CLEC16A: variants seen among roughly 807,000 people sequenced by gnomAD.
The protein encoded by CLEC16A is protein CLEC16A.
CLEC16A carries 51 observed loss-of-function variants against 109.5 expected under a neutral mutation model. The observed-to-expected ratio is 0.47, with a 90% CI of 0.37 to 0.59. The LOEUF (loss-of-function observed/expected upper bound fraction) is 0.59, where lower values mean the gene tolerates loss of function less well. CLEC16A is among the 20% of genes least tolerant of loss of function. The pLI, the probability that CLEC16A is intolerant of heterozygous loss-of-function variation, is 0.00. For missense variants in CLEC16A, 1,339 were observed against 1,394.0 expected, an observed-to-expected ratio of 0.96 and a Z score of 0.63; for synonymous variants, 673 against 564.2, an observed-to-expected ratio of 1.19 and a Z score of -2.73.
At chr16:11,010,742 G>T (rs968643423) in intron 11 of CLEC16A, among the ~76,000 whole-genome samples, 3 of 152,144 alleles carry the variant, frequency 2.0e-5, no homozygotes, top group Non-Finnish European at 4.4e-5. Flanking sequence ...CTCTCCTCCA[G>T]TGCAAGGTCC....
Position 10,988,572 on chromosome 16 carries a change from G to A in CLEC16A, c.1071+5581G>A, listed in dbSNP as rs145365804. ...TGACATTCTTGTAATGACTCTCAGA[G>A]CAGAAGTCACTTCCTAGCCTGCCCC... On this transcript the variant is annotated intron_variant, in intron 10 of 23. Coordinates refer to ENST00000409790, the MANE Select transcript of CLEC16A (RefSeq NM_015226.3). 2.7e-3 allele frequency among the ~76,000 whole-genome samples: 409 copies of A among 152,278 alleles called. 3 individuals are homozygous for A. Among genetic ancestry groups the A allele is most frequent in the African/African-American group, 9.6e-3 (398 of 41,560 alleles).
chr16:11,127,520 A>G (rs1029645135), intron 22 of CLEC16A, among the ~76,000 whole-genome samples: 1 of 152,174 alleles, frequency 6.6e-6, no homozygotes, highest in East Asian at 1.9e-4. Flanking sequence ...ACTCTAGAAA[A>G]CAGTACACCA....
At chr16:11,139,892 A>G (rs2053743318) in intron 22 of CLEC16A, among the ~76,000 whole-genome samples, 1 of 152,238 alleles carries the variant, frequency 6.6e-6, no homozygotes, top group Non-Finnish European at 1.5e-5. Context: ...AATGCCAACT[A>G]TGTGCTAGGC....
chr16:11,067,445 A>T (rs2048834525), intron 19 of CLEC16A, among the ~76,000 whole-genome samples: 1 of 151,918 alleles, frequency 6.6e-6, no homozygotes, highest in East Asian at 1.9e-4. Context: ...GAAGTGGCGC[A>T]GAAGAAGCAA....
chr16:10,996,035 C>A (rs1019440680), intron 10 of CLEC16A, among the ~76,000 whole-genome samples: 35 of 152,106 alleles, frequency 2.3e-4, no homozygotes, highest in African/African-American at 8.0e-4. Context: ...GTCTCTCTTT[C>A]CTTCGTGCTC....
chr16:11,026,028 G>A (rs957333761), intron 13 of CLEC16A, among the ~76,000 whole-genome samples: 2 of 152,156 alleles, frequency 1.3e-5, no homozygotes, highest in Non-Finnish European at 2.9e-5. Flanking sequence ...CAGCACATGG[G>A]TTCACATCCA....
At chr16:11,096,270 G>T (rs1005285211) in intron 19 of CLEC16A, among the ~76,000 whole-genome samples, 2 of 151,990 alleles carry the variant, frequency 1.3e-5, no homozygotes, top group African/African-American at 4.8e-5. Flanking sequence ...ATTTGAGTCC[G>T]GGAAGTCAAG....
chr16:11,111,454 C>G (rs1424641669), intron 19 of CLEC16A, among the ~76,000 whole-genome samples: 3 of 152,280 alleles, frequency 2.0e-5, no homozygotes, highest in Non-Finnish European at 1.5e-5. Context: ...CAAAGCATCA[C>G]TTCCATTGGT....
intron 10 of CLEC16A, among the ~76,000 whole-genome samples, chr16:10,997,533 C>G (rs888228411): frequency 6.6e-6 from 1 of 152,220 alleles, no homozygotes; most frequent in African/African-American, 2.4e-5. Context: ...AAAATTCACT[C>G]TCTTAACTAT....
intron 2 of CLEC16A, 142 bp downstream of exon 2, chr16:10,958,052 A>T: frequency 4.8e-6 from 2 of 419,816 alleles, no homozygotes; most frequent in Non-Finnish European, 7.3e-6. Context: ...TCTAGCTGTA[A>T]AAAAAAAAAA....
intron 19 of CLEC16A, among the ~76,000 whole-genome samples, chr16:11,105,625 C>T (rs1005428432): frequency 3.3e-5 from 5 of 152,218 alleles, no homozygotes; most frequent in African/African-American, 1.2e-4. Context: ...GAAAACCCCA[C>T]CTTTGGAAGC....
chr16:11,099,111 A>AGCCAAGAG (rs1339043588), intron 19 of CLEC16A, among the ~76,000 whole-genome samples: 3 of 151,994 alleles, frequency 2.0e-5, no homozygotes, highest in Non-Finnish European at 4.4e-5. Flanking sequence ...GTGAGCCAAG[A>AGCCAAGAG]GTGCATGTGG....
chr16:11,082,709 C>T (rs1421993452), intron 19 of CLEC16A, among the ~76,000 whole-genome samples: 2 of 152,184 alleles, frequency 1.3e-5, no homozygotes, highest in Non-Finnish European at 2.9e-5. Context: ...AGGAAAGGAA[C>T]GCTTTCTTCC....
chr16:11,132,853 G>A (rs2053311322), intron 22 of CLEC16A, among the ~76,000 whole-genome samples: 1 of 152,178 alleles, frequency 6.6e-6, no homozygotes, highest in Non-Finnish European at 1.5e-5. Flanking sequence ...ATGCATTGGT[G>A]GATGGGAGGC....
chr16:11,122,407 T>C (rs927818607), intron 20 of CLEC16A, among the ~76,000 whole-genome samples: 15 of 152,252 alleles, frequency 9.9e-5, no homozygotes, highest in African/African-American at 2.9e-4. Flanking sequence ...TAGAATTTAG[T>C]GTCAGGCAAG....
chr16:11,023,740 C>T (rs537310042), intron 12 of CLEC16A, among the ~76,000 whole-genome samples: 7 of 152,140 alleles, frequency 4.6e-5, no homozygotes, highest in Non-Finnish European at 2.9e-5. Flanking sequence ...CCTTTCACTC[C>T]CCGTAGGCAT....
At chr16:11,161,864 G>A (rs1194148428) in intron 22 of CLEC16A, among the ~76,000 whole-genome samples, 2 of 152,184 alleles carry the variant, frequency 1.3e-5, no homozygotes, top group Non-Finnish European at 2.9e-5. Flanking sequence ...ACATAAATAA[G>A]CAAAGCGAAA....
At chr16:11,002,393 T>C (rs1472378795) in intron 10 of CLEC16A, among the ~76,000 whole-genome samples, 1 of 152,252 alleles carries the variant, frequency 6.6e-6, no homozygotes, top group Non-Finnish European at 1.5e-5. Context: ...CAGTAAATGG[T>C]AGCTGGCACT....
At position 10,958,795 on chromosome 16, in the gene CLEC16A, T is replaced by C. The variant is rs145993976; in HGVS notation, c.209+885T>C. ...TGTGTGTGCCTGTGTTCCCAGCTAC[T>C]CAGAAGGTTGAGGTGGGAGGATTGC... On this transcript the variant is annotated intron_variant, in intron 2 of 23. Coordinates refer to ENST00000409790, the MANE Select transcript of CLEC16A (RefSeq NM_015226.3). Among the ~76,000 whole-genome samples, 1,491 of 152,146 alleles carry C rather than the reference T, an allele frequency of 9.8e-3. 18 individuals are homozygous for C. The Middle Eastern group carries it at 0.14, about 14-fold the overall frequency.
Sources: allele counts gnomAD v4.1 joint callset (sites outside exome capture counted in the v4.1 genomes callset), GRCh38; gene constraint gnomAD v4.1.1; transcripts MANE v1.5; gene names NCBI Gene and HGNC (gene_info 2026-07-23, HGNC 2026-07-21).